Variants in PHACTR1 observed in about 807,000 individuals in gnomAD.
The protein encoded by PHACTR1 is RPEL repeat containing 1.
PHACTR1 carries 16 observed loss-of-function variants against 69.2 expected under a neutral mutation model. The observed-to-expected ratio is 0.23, with a 90% CI of 0.16 to 0.35. The LOEUF (loss-of-function observed/expected upper bound fraction) is 0.35. Among genes scored for constraint, PHACTR1 ranks in the 10% least tolerant of loss-of-function variants. PHACTR1 has a pLI of 1.00. For synonymous variants in PHACTR1, 312 were observed against 284.5 expected (o/e 1.10, Z -0.97); for missense variants, 510 against 734.7 (o/e 0.69, Z 3.54).
intron 4 of PHACTR1, among the ~76,000 whole-genome samples, chr6:12,934,592 T>C (rs1789234488): frequency 6.6e-6 from 1 of 152,096 alleles, no homozygotes; most frequent in South Asian, 2.1e-4. Context: ...TCCCAGCACT[T>C]TGGGAGGCCG....
intron 6 of PHACTR1, among the ~76,000 whole-genome samples, chr6:13,172,736 T>C (rs964294474): frequency 2.6e-5 from 4 of 152,116 alleles, no homozygotes; most frequent in African/African-American, 9.7e-5. Flanking sequence ...CTCAGAACAA[T>C]AACCACAATA....
At chr6:12,723,880 T>C (rs555253339) in intron 3 of PHACTR1, among the ~76,000 whole-genome samples, 1 of 152,296 alleles carries the variant, frequency 6.6e-6, no homozygotes, top group South Asian at 2.1e-4. Context: ...CCCCACGAGA[T>C]TCAAATGTGG....
chr6:13,149,646 A>G (rs993933521), intron 5 of PHACTR1, among the ~76,000 whole-genome samples: 3 of 151,946 alleles, frequency 2.0e-5, no homozygotes, highest in African/African-American at 7.3e-5. Flanking sequence ...ATCATGGGGG[A>G]GGGGCTAACA....
Position 12,933,198 on chromosome 6 carries a change from C to T in PHACTR1, c.251-120167C>T, listed in dbSNP as rs530724768. ...TTATCCCTTATCCCCCTGTCTCGCC[C>T]TCCCAAAGTGCTGGGATTACAGGCA... is the stretch of plus-strand genomic sequence containing the variant. On this transcript the variant is annotated intron_variant, in intron 4 of 14. Transcript: ENST00000332995. Among the ~76,000 whole-genome samples, 25 of 152,250 alleles carry T rather than the reference C, an allele frequency of 1.6e-4. No individual in the cohort carries two copies. The South Asian group carries it at 5.0e-3, about 30-fold the overall frequency.
At position 13,283,397 on chromosome 6, in the gene PHACTR1, G is replaced by A. The variant is rs1386398285; in HGVS notation, c.1510-25G>A. On this transcript the variant is annotated intron_variant, in intron 12 of 14. Coordinates refer to ENST00000332995, the MANE Select transcript of PHACTR1 (RefSeq NM_030948.6). The surrounding 1 kb of genome is among the most constrained non-coding windows in gnomAD (Gnocchi z 4.7). ...CATGGTCAACCCTTCTGGCTGACTGGGTCCATCTCTCTCCCTCCCTGCAGC... is the reference window on the plus strand; with the variant it reads ...CATGGTCAACCCTTCTGGCTGACTGAGTCCATCTCTCTCCCTCCCTGCAGC... The A allele has an allele frequency of 1.9e-6, 3 of 1,611,838 alleles. No homozygotes were observed. Among genetic ancestry groups the A allele is most frequent in the South Asian group, 1.1e-5 (1 of 91,032 alleles).
intron 4 of PHACTR1, among the ~76,000 whole-genome samples, chr6:12,772,668 T>C (rs1364603067): frequency 6.6e-6 from 1 of 152,202 alleles, no homozygotes; most frequent in Non-Finnish European, 1.5e-5. Context: ...TACTTGGGCG[T>C]GGATCTCATC....
chr6:12,802,391 T>C (rs1173011360), intron 4 of PHACTR1, among the ~76,000 whole-genome samples: 2 of 152,102 alleles, frequency 1.3e-5, no homozygotes, highest in Non-Finnish European at 2.9e-5. Context: ...TTAGTCATTT[T>C]TGTGTGCAGG....
intron 4 of PHACTR1, among the ~76,000 whole-genome samples, chr6:12,767,344 A>T (rs937131241): frequency 1.3e-5 from 2 of 152,230 alleles, no homozygotes; most frequent in African/African-American, 4.8e-5. Context: ...CTAGATCAGA[A>T]CTTTAAGAAA....
chr6:12,924,556 C>A (rs979726788), intron 4 of PHACTR1, among the ~76,000 whole-genome samples: 1 of 152,090 alleles, frequency 6.6e-6, no homozygotes, highest in Non-Finnish European at 1.5e-5. Flanking sequence ...GGGTGGATCA[C>A]AAGGTCAGAA....
At chr6:13,247,867 T>C (rs1441626747) in intron 10 of PHACTR1, among the ~76,000 whole-genome samples, 1 of 146,568 alleles carries the variant, frequency 6.8e-6, no homozygotes, top group African/African-American at 2.7e-5. Context: ...CCTGCCTCTT[T>C]AAAAAAAAAC....
At chr6:12,792,381 T>C (rs926541394) in intron 4 of PHACTR1, among the ~76,000 whole-genome samples, 2 of 138,148 alleles carry the variant, frequency 1.4e-5, no homozygotes, top group Admixed American at 1.7e-4. Context: ...GGAGAATCAC[T>C]TGAACCCGGG....
chr6:13,281,910 G>A (rs113218532), intron 12 of PHACTR1, among the ~76,000 whole-genome samples: 4 of 152,332 alleles, frequency 2.6e-5, no homozygotes, highest in African/African-American at 9.6e-5. Flanking sequence ...CAGGGGGGCC[G>A]GCACCAGAGG....
chr6:12,909,187 G>A (rs899995371), intron 4 of PHACTR1, among the ~76,000 whole-genome samples: 2 of 152,116 alleles, frequency 1.3e-5, no homozygotes, highest in African/African-American at 4.8e-5. Flanking sequence ...AACTTTTTCA[G>A]TCATTTCATG....
chr6:13,169,544 C>T (rs1213093230), intron 6 of PHACTR1, among the ~76,000 whole-genome samples: 2 of 151,876 alleles, frequency 1.3e-5, no homozygotes, highest in Admixed American at 1.3e-4. Flanking sequence ...TAAGAAGGAC[C>T]CTCAAAAACT....
chr6:12,748,847 C>A (rs1766154981), intron 3 of PHACTR1, among the ~76,000 whole-genome samples: 1 of 152,208 alleles, frequency 6.6e-6, no homozygotes, highest in South Asian at 2.1e-4. Flanking sequence ...CATGCATATA[C>A]CTACTTTACA....
intron 4 of PHACTR1, among the ~76,000 whole-genome samples, chr6:13,003,182 C>T (rs533545665): frequency 3.3e-5 from 5 of 152,212 alleles, no homozygotes; most frequent in South Asian, 4.1e-4. Flanking sequence ...AAAATTTTTG[C>T]AAGATTCCTT....
In PHACTR1 at chr6:12,987,573, T is replaced by G. The variant is rs572329600; in HGVS notation, c.251-65792T>G. Among the ~76,000 whole-genome samples the G allele has an allele frequency of 9.2e-5, 14 of 152,202 alleles. No homozygotes were observed. The South Asian group carries it at 1.7e-3, about 18-fold the overall frequency. ...AGCTTCTAGTTCCAAAAGGATGGCT[T>G]TGGGCTTGATTGTGTAAGCCAGTGG... is the stretch of plus-strand genomic sequence containing the variant. On this transcript the variant is annotated intron_variant, in intron 4 of 14. Transcript: ENST00000332995.
At chr6:12,814,931 T>G (rs533537591) in intron 4 of PHACTR1, among the ~76,000 whole-genome samples, 2 of 152,176 alleles carry the variant, frequency 1.3e-5, no homozygotes, top group Non-Finnish European at 2.9e-5. Context: ...TCAAGTGAAT[T>G]GAGCACAGTT....
At chr6:13,100,516 G>A (rs1447604259) in intron 5 of PHACTR1, among the ~76,000 whole-genome samples, 2 of 152,108 alleles carry the variant, frequency 1.3e-5, no homozygotes, top group African/African-American at 4.8e-5. Context: ...CCATACCTGA[G>A]TACCACACTG....
Sources: gnomAD v4.1 joint callset for allele counts (sites outside exome capture counted in the v4.1 genomes callset) on GRCh38, gnomAD v4.1.1 for gene constraint, Gnocchi (gnomAD v3.1) non-coding constraint, MANE v1.5 for transcripts, NCBI Gene and HGNC (gene_info 2026-07-23, HGNC 2026-07-21) for gene names.